The following ST8SIA1 variants were observed in gnomAD, a reference collection of about 807,000 sequenced individuals.
The protein encoded by ST8SIA1 is ST8 alpha-N-acetyl-neuraminide alpha-2,8-sialyltransferase 1.
ST8SIA1 carries 16 observed loss-of-function variants against 35.9 expected under a neutral mutation model. That is an observed-to-expected ratio of 0.45 (90% CI 0.30 to 0.68). The LOEUF is 0.68. Among genes scored for constraint, ST8SIA1 ranks in the 30% least tolerant of loss-of-function variants. The pLI, the probability that ST8SIA1 is intolerant of heterozygous loss-of-function variation, is 0.09. For missense variants in ST8SIA1, 383 were observed against 453.6 expected, an observed-to-expected ratio of 0.84 and a Z score of 1.41; for synonymous variants, 170 against 169.6, an observed-to-expected ratio of 1.00 and a Z score of -0.02.
At chr12:22,316,509 T>C (rs1478109440) in intron 1 of ST8SIA1, among the ~76,000 whole-genome samples, 4 of 152,090 alleles carry the variant, frequency 2.6e-5, no homozygotes, top group Non-Finnish European at 5.9e-5. Context: ...CAAATTTACA[T>C]GCAAAAAGTT....
chr12:22,229,054 C>CAAAAAAA (rs11463657), intron 4 of ST8SIA1, among the ~76,000 whole-genome samples: 1 of 101,944 alleles, frequency 9.8e-6, no homozygotes, highest in African/African-American at 3.9e-5. Flanking sequence ...ACTCCATCTC[C>CAAAAAAA]AAAAAAAAAA....
chr12:22,281,819 C>CAAAAAAA (rs11423875), intron 2 of ST8SIA1, among the ~76,000 whole-genome samples: 4 of 102,948 alleles, frequency 3.9e-5, no homozygotes, highest in East Asian at 3.0e-4. Context: ...CTTGTCTCTA[C>CAAAAAAA]AAAAAAAAAA....
intron 4 of ST8SIA1, among the ~76,000 whole-genome samples, chr12:22,205,621 T>C (rs1411791898): frequency 6.6e-6 from 1 of 152,098 alleles, no homozygotes; most frequent in Non-Finnish European, 1.5e-5. Context: ...ATAAGTAAGA[T>C]AGATATTTAA....
chr12:22,284,890 A>T (rs1218743235), intron 2 of ST8SIA1, among the ~76,000 whole-genome samples: 1 of 152,226 alleles, frequency 6.6e-6, no homozygotes, highest in Non-Finnish European at 1.5e-5. Context: ...TTTCTAATAC[A>T]AAGTTAGAAT....
chr12:22,323,608 A>C (rs1312839280), intron 1 of ST8SIA1, among the ~76,000 whole-genome samples: 1 of 152,248 alleles, frequency 6.6e-6, no homozygotes, highest in Non-Finnish European at 1.5e-5. Context: ...ATCAACCTAA[A>C]TGCCCATCAA....
chr12:22,272,629 G>T (rs540470992), intron 2 of ST8SIA1, among the ~76,000 whole-genome samples: 9 of 152,324 alleles, frequency 5.9e-5, no homozygotes, highest in Admixed American at 3.9e-4. Context: ...AAAGATACTG[G>T]TATTATAATA....
intron 2 of ST8SIA1, among the ~76,000 whole-genome samples, chr12:22,270,557 CA>C (rs1865900849): frequency 6.6e-6 from 1 of 151,998 alleles, no homozygotes; most frequent in Admixed American, 6.6e-5. Context: ...TGAATTAAAA[CA>C]AAAATATGTT....
intron 1 of ST8SIA1, among the ~76,000 whole-genome samples, chr12:22,320,583 A>G (rs2728823): frequency 0.53 from 79,988 of 151,978 alleles, 21,645 homozygotes; most frequent in African/African-American, 0.66. Context: ...GGTGGCTTAC[A>G]CCTGTAATCC....
chr12:22,327,811 C>T (rs552399312), intron 1 of ST8SIA1, among the ~76,000 whole-genome samples: 2 of 152,306 alleles, frequency 1.3e-5, no homozygotes, highest in African/African-American at 4.8e-5. Flanking sequence ...CAGGCCTCTT[C>T]CAGGAGGCCT....
rs530149793 is a variant in ST8SIA1 at position 22,198,247 on chromosome 12, G to A, written c.*3305C>T. The A allele has an allele frequency of 6.6e-6, 1 of 152,116 alleles. No individual in the cohort carries two copies. The highest frequency in any genetic ancestry group is 6.5e-5 in the Admixed American group (1 of 15,270). The allele number at this position is 152,116 out of a possible 1,614,324, so 9.4% of individuals were successfully genotyped here. On this transcript the variant is annotated 3_prime_UTR_variant, in exon 5 of 5. Coordinates refer to ENST00000396037, the MANE Select transcript of ST8SIA1 (RefSeq NM_003034.4). Reference sequence around the variant, plus strand: ...AAAGTGATGCCCCCTCTTGGCAGGTGCATCACCAAAAGTGATTAAAGATTT... The same window carrying A: ...AAAGTGATGCCCCCTCTTGGCAGGTACATCACCAAAAGTGATTAAAGATTT...
intron 4 of ST8SIA1, 49 bp from the exon 5 acceptor site, chr12:22,202,087 C>T: frequency 6.6e-7 from 1 of 1,506,804 alleles, no homozygotes; most frequent in South Asian, 1.4e-5. Flanking sequence ...GAAAAAGAAA[C>T]TCACCAAAAC....
chr12:22,251,762 C>T (rs1398127688), intron 3 of ST8SIA1, among the ~76,000 whole-genome samples: 1 of 152,092 alleles, frequency 6.6e-6, no homozygotes, highest in African/African-American at 2.4e-5. Flanking sequence ...GCTCATGATC[C>T]TAAAAGAGAT....
chr12:22,324,223 A>T (rs536992568), intron 1 of ST8SIA1, among the ~76,000 whole-genome samples: 11 of 152,340 alleles, frequency 7.2e-5, no homozygotes, highest in Middle Eastern at 3.4e-3. Context: ...GCATGGAAGA[A>T]ATGCTTGTAG....
intron 1 of ST8SIA1, among the ~76,000 whole-genome samples, chr12:22,305,412 GCT>G (rs1866372230): frequency 9.3e-6 from 1 of 107,168 alleles, no homozygotes; most frequent in African/African-American, 3.7e-5. Flanking sequence ...ATGGAGTTTT[GCT>G]CTGTCTCCCA....
chr12:22,307,438 G>C (rs1866399786), intron 1 of ST8SIA1, among the ~76,000 whole-genome samples: 1 of 152,092 alleles, frequency 6.6e-6, no homozygotes, highest in Non-Finnish European at 1.5e-5. Context: ...CTCTCTTCAG[G>C]ATACGACCTT....
At chr12:22,240,583 A>G (rs1865528604) in intron 4 of ST8SIA1, among the ~76,000 whole-genome samples, 1 of 152,176 alleles carries the variant, frequency 6.6e-6, no homozygotes, top group Non-Finnish European at 1.5e-5. Flanking sequence ...TTAGGAACAC[A>G]GTTTGAAACA....
intron 4 of ST8SIA1, among the ~76,000 whole-genome samples, chr12:22,209,871 A>G (rs1237009409): frequency 2.6e-5 from 4 of 152,146 alleles, no homozygotes; most frequent in African/African-American, 7.2e-5. Context: ...TATTACATAT[A>G]CATGTCTTCA....
At chr12:22,299,260 T>G (rs1866287625) in intron 1 of ST8SIA1, among the ~76,000 whole-genome samples, 2 of 152,146 alleles carry the variant, frequency 1.3e-5, no homozygotes, top group Admixed American at 1.3e-4. Flanking sequence ...TTTTGTCTAA[T>G]TCAAAGCTTA....
chr12:22,291,874 T>A (rs1016522796), intron 1 of ST8SIA1, among the ~76,000 whole-genome samples: 1 of 152,162 alleles, frequency 6.6e-6, no homozygotes, highest in African/African-American at 2.4e-5. Context: ...AATTGTCAGT[T>A]AAAGGAAATA....
Sources: allele counts gnomAD v4.1 joint callset (sites outside exome capture counted in the v4.1 genomes callset), GRCh38; gene constraint gnomAD v4.1.1; transcripts MANE v1.5; gene names NCBI Gene and HGNC (gene_info 2026-07-23, HGNC 2026-07-21).